RALGAPA2: variants seen among roughly 807,000 people sequenced by gnomAD.
The protein encoded by RALGAPA2 is Ral GTPase activating protein catalytic subunit alpha 2, also known as ral GTPase-activating protein subunit alpha-2.
Under a neutral mutation model 230.4 loss-of-function variants are expected in RALGAPA2, and 139 were observed. That is an observed-to-expected ratio of 0.60 (90% confidence interval 0.53 to 0.69). The LOEUF (loss-of-function observed/expected upper bound fraction) is 0.69. Ranked by LOEUF, RALGAPA2 falls within the 30% of genes least tolerant of loss-of-function variation. RALGAPA2 has a pLI of 0.00. For synonymous variants in RALGAPA2, 847 were observed against 837.8 expected, an observed-to-expected ratio of 1.01 and a Z score of -0.19; for missense variants, 2,163 against 2,276.0, an observed-to-expected ratio of 0.95 and a Z score of 1.01.
intron 35 of RALGAPA2, among the ~76,000 whole-genome samples, chr20:20,502,113 T>G (rs776379088): frequency 6.6e-6 from 1 of 152,198 alleles, no homozygotes; most frequent in Non-Finnish European, 1.5e-5. Flanking sequence ...GAGCATCTGC[T>G]GTTAGAAAAA....
intron 3 of RALGAPA2, among the ~76,000 whole-genome samples, chr20:20,657,437 G>A (rs1338247204): frequency 6.6e-6 from 1 of 152,252 alleles, no homozygotes; most frequent in African/African-American, 2.4e-5. Context: ...CTTTCTTGAA[G>A]GGGAATATGT....
intron 37 of RALGAPA2, among the ~76,000 whole-genome samples, chr20:20,417,060 C>T (rs929773460): frequency 2.0e-5 from 3 of 152,230 alleles, no homozygotes; most frequent in Non-Finnish European, 4.4e-5. Flanking sequence ...CAGTGATCTG[C>T]AGAGGAGGGA....
rs960194988 is a variant in RALGAPA2 at position 20,513,081 on chromosome 20, C to T, written c.4288G>A (p.Val1430Ile). 6.2e-7 allele frequency: 1 copy of T among 1,604,504 alleles called. No individual in the cohort carries two copies. Among genetic ancestry groups the T allele is most frequent in the African/African-American group, 1.3e-5 (1 of 74,512 alleles). ...VFRSPNLQLF[V>I]FNDSTLISYL... ...GAGATGAGGGTGCTATCATTAAATA[C>T]AAACAGCTGCAGGTTTGGACTTCTG... The change falls in exon 32 of 40, where the codon GTA becomes ATA. Residue 1430 changes from valine to isoleucine, a missense_variant. Physicochemically the swap from Val to Ile is conservative, Grantham distance 29. Transcript: ENST00000202677.
intron 12 of RALGAPA2, 57 bp downstream of exon 12, chr20:20,619,220 A>G (rs2066247043): frequency 6.8e-7 from 1 of 1,474,572 alleles, no homozygotes; most frequent in South Asian, 1.5e-5. Context: ...ACAAAAAGAC[A>G]AAATGGCTCC....
intron 30 of RALGAPA2, among the ~76,000 whole-genome samples, chr20:20,523,337 G>A (rs2063101719): frequency 6.6e-6 from 1 of 152,170 alleles, no homozygotes. Flanking sequence ...TATTTTAAAT[G>A]TTATAAAAAT....
At chr20:20,481,671 T>C (rs990071581) in intron 36 of RALGAPA2, among the ~76,000 whole-genome samples, 2 of 152,222 alleles carry the variant, frequency 1.3e-5, no homozygotes, top group African/African-American at 4.8e-5. Context: ...GAACACAGGA[T>C]GTGTACACAG....
intron 6 of RALGAPA2, 49 bp from the exon 7 acceptor site, chr20:20,639,949 A>G (rs2066978208): frequency 7.1e-7 from 1 of 1,400,014 alleles, no homozygotes; most frequent in Non-Finnish European, 1.0e-6. Context: ...GTTAAATTTT[A>G]AACAGAATTT....
chr20:20,455,426 TG>T (rs1260381152), intron 37 of RALGAPA2, among the ~76,000 whole-genome samples: 5 of 152,176 alleles, frequency 3.3e-5, no homozygotes, highest in Non-Finnish European at 5.9e-5. Context: ...GGCCAAAGGC[TG>T]GAATGTCATC....
chr20:20,490,963 T>G (rs892939827), intron 36 of RALGAPA2, among the ~76,000 whole-genome samples: 6 of 151,098 alleles, frequency 4.0e-5, no homozygotes, highest in African/African-American at 1.5e-4. Context: ...CATGACGCTC[T>G]GGGGATAGTC....
At chr20:20,597,667 C>T (rs986362626) in intron 16 of RALGAPA2, among the ~76,000 whole-genome samples, 5 of 151,980 alleles carry the variant, frequency 3.3e-5, no homozygotes, top group African/African-American at 1.2e-4. Context: ...GGTGAAACCT[C>T]ATCTCTACTA....
At chr20:20,548,872 G>A (rs879509547) in intron 23 of RALGAPA2, among the ~76,000 whole-genome samples, 3 of 152,306 alleles carry the variant, frequency 2.0e-5, no homozygotes, top group East Asian at 1.9e-4. Flanking sequence ...CAAGCTATCC[G>A]GCAGCAGATG....
chr20:20,709,201 C>A (rs533938913), intron 1 of RALGAPA2, among the ~76,000 whole-genome samples: 1 of 152,208 alleles, frequency 6.6e-6, no homozygotes, highest in Non-Finnish European at 1.5e-5. Flanking sequence ...CACCTGTAAT[C>A]CCAGCCACTC....
chr20:20,589,146 C>A, intron 18 of RALGAPA2, 122 bp downstream of exon 18: 1 of 1,330,636 alleles, frequency 7.5e-7, no homozygotes, highest in Non-Finnish European at 9.9e-7. Context: ...TCATTTGGGC[C>A]TATAAACTGT....
At chr20:20,410,203 C>A (rs530044417) in intron 38 of RALGAPA2, among the ~76,000 whole-genome samples, 1 of 152,200 alleles carries the variant, frequency 6.6e-6, no homozygotes, top group South Asian at 2.1e-4. Context: ...ACTCAAATTG[C>A]TCCTAGAATC....
chr20:20,644,140 A>G (rs1230255020), intron 4 of RALGAPA2, among the ~76,000 whole-genome samples: 1 of 152,198 alleles, frequency 6.6e-6, no homozygotes, highest in Non-Finnish European at 1.5e-5. Flanking sequence ...AGTCTTCTAT[A>G]AATGTATTCA....
At chr20:20,673,835 T>C (rs372433690) in intron 3 of RALGAPA2, among the ~76,000 whole-genome samples, 26 of 152,062 alleles carry the variant, frequency 1.7e-4, no homozygotes, top group African/African-American at 6.3e-4. Context: ...AACATGAGTA[T>C]GAGAAAGAAA....
At chr20:20,407,005 T>G (rs1357382455) in intron 38 of RALGAPA2, among the ~76,000 whole-genome samples, 1 of 152,210 alleles carries the variant, frequency 6.6e-6, no homozygotes, top group Admixed American at 6.5e-5. Flanking sequence ...TATGGGATTA[T>G]CACTATAGGG....
intron 36 of RALGAPA2, among the ~76,000 whole-genome samples, chr20:20,486,890 T>C (rs1386893576): frequency 2.0e-5 from 3 of 152,210 alleles, no homozygotes; most frequent in African/African-American, 4.8e-5. Context: ...GTTTCTGTCA[T>C]AGGGTTTTTG....
At chr20:20,427,465 A>T (rs989572734) in intron 37 of RALGAPA2, among the ~76,000 whole-genome samples, 1 of 151,814 alleles carries the variant, frequency 6.6e-6, no homozygotes, top group East Asian at 1.9e-4. Flanking sequence ...ATTCATGCAG[A>T]TGTCTCTTCC....
Sources: allele counts gnomAD v4.1 joint callset (sites outside exome capture counted in the v4.1 genomes callset), GRCh38; gene constraint gnomAD v4.1.1; transcripts MANE v1.5; gene names NCBI Gene and HGNC (gene_info 2026-07-23, HGNC 2026-07-21).